PHF2: variants seen among roughly 807,000 people sequenced by gnomAD.
PHF2 encodes the protein lysine-specific demethylase PHF2.
Under a neutral mutation model 120.5 loss-of-function variants are expected in PHF2, and 27 were observed. That is an observed-to-expected ratio of 0.22 (90% confidence interval 0.17 to 0.31). PHF2 has a LOEUF of 0.31. PHF2 is among the 10% of genes least tolerant of loss of function. The pLI is 1.00. For missense variants in PHF2, 1,024 were observed against 1,434.8 expected (o/e 0.71, Z 4.63); for synonymous variants, 568 against 592.5 (o/e 0.96, Z 0.60).
At chr9:93,662,568 A>G (rs12335919) in intron 12 of PHF2, among the ~76,000 whole-genome samples, 57 of 83,202 alleles carry the variant, frequency 6.9e-4, no homozygotes, top group Admixed American at 2.0e-3. Flanking sequence ...GGATGGATGG[A>G]TGGATGAACA....
intron 17 of PHF2, among the ~76,000 whole-genome samples, chr9:93,668,532 A>G (rs1309372107): frequency 6.6e-6 from 1 of 152,084 alleles, no homozygotes; most frequent in African/African-American, 2.4e-5. Context: ...AGGCCACCCA[A>G]GATGAGGGCA....
At chr9:93,593,355 A>C (rs1212299088) in intron 1 of PHF2, among the ~76,000 whole-genome samples, 2 of 152,148 alleles carry the variant, frequency 1.3e-5, no homozygotes, top group Admixed American at 1.3e-4. Flanking sequence ...TATTTCTGTT[A>C]ATATGACCTC....
At chr9:93,649,237 TG>T (rs1564394092) in intron 5 of PHF2, 25 bp downstream of exon 5, 3 of 957,172 alleles carry the variant, frequency 3.1e-6, no homozygotes, top group Middle Eastern at 3.0e-4. Context: ...CCTGGGGGTG[TG>T]GGGGCTGGGG....
At chr9:93,581,784 G>A (rs1862934573) in intron 1 of PHF2, among the ~76,000 whole-genome samples, 2 of 152,170 alleles carry the variant, frequency 1.3e-5, no homozygotes, top group South Asian at 2.1e-4. Flanking sequence ...TTGGGTGGAC[G>A]CTGCCACCCC....
intron 1 of PHF2, among the ~76,000 whole-genome samples, chr9:93,603,394 C>CA (rs1384778816): frequency 6.6e-6 from 1 of 152,090 alleles, no homozygotes; most frequent in Non-Finnish European, 1.5e-5. Flanking sequence ...AAGCAGTGGA[C>CA]ACGGTCTATG....
intron 1 of PHF2, among the ~76,000 whole-genome samples, chr9:93,589,296 T>C (rs1167698138): frequency 2.6e-5 from 4 of 152,194 alleles, no homozygotes; most frequent in African/African-American, 9.7e-5. Flanking sequence ...CAGCAGACAC[T>C]GTGTAGGGAA....
chr9:93,634,463 G>C (rs976674036), intron 2 of PHF2, among the ~76,000 whole-genome samples: 1 of 152,126 alleles, frequency 6.6e-6, no homozygotes, highest in East Asian at 1.9e-4. Flanking sequence ...AGCATCTATC[G>C]CTTGGGTAAC....
chr9:93,653,506 G>A lies in PHF2; in HGVS notation c.789+141G>A, dbSNP rs1826404301. 4 of 795,578 alleles carry A rather than the reference G, an allele frequency of 5.0e-6. No individual in the cohort carries two copies. In the African/African-American group the frequency reaches 5.2e-5, roughly 10 times the overall value. 49.3% of individuals were successfully genotyped at this position (795,578 alleles called of 1,614,324 possible). A position where few individuals can be genotyped will look rare whatever the true frequency, so the allele number is the denominator to read the frequency against. On this transcript the variant is annotated intron_variant, in intron 6 of 21. Transcript: ENST00000359246. Reference sequence around the variant, plus strand: ...TGGACTGTCCATCCCTGGGACAGGAGGCCTCTGGAGACATCTCTGGGTGGA... The same window carrying A: ...TGGACTGTCCATCCCTGGGACAGGAAGCCTCTGGAGACATCTCTGGGTGGA...
At chr9:93,588,162 T>C (rs148028110) in intron 1 of PHF2, among the ~76,000 whole-genome samples, 389 of 152,288 alleles carry the variant, frequency 2.6e-3, no homozygotes, top group African/African-American at 9.2e-3. Flanking sequence ...TGCGGACCTG[T>C]TTATCTCAGT....
intron 1 of PHF2, among the ~76,000 whole-genome samples, chr9:93,623,494 C>T (rs1825857371): frequency 6.6e-6 from 1 of 152,178 alleles, no homozygotes; most frequent in Non-Finnish European, 1.5e-5. Context: ...CTGTTCCTGG[C>T]TTTGGGCCTT....
chr9:93,624,629 T>C (rs1272365722), intron 1 of PHF2, among the ~76,000 whole-genome samples: 1 of 150,748 alleles, frequency 6.6e-6, no homozygotes, highest in Non-Finnish European at 1.5e-5. Flanking sequence ...ATGATGATGA[T>C]AATGATGGTG....
Position 93,666,091 on chromosome 9 carries a change from C to CG in PHF2, c.2187+37dup, listed in dbSNP as rs559290484. On this transcript the variant is annotated intron_variant, in intron 16 of 21. Coordinates refer to ENST00000359246, the MANE Select transcript of PHF2 (RefSeq NM_005392.4). The stretch of plus-strand genomic sequence containing the variant: ...CTGCCTTACAGGCCCCCCTCAGTCT[C>CG]GGGGGGCATCTCTGGGCAGTCCCCA... 142 of 1,600,636 alleles carry CG rather than the reference C, an allele frequency of 8.9e-5. No homozygotes were observed. The African/African-American group carries it at 1.7e-3, about 19-fold the overall frequency.
chr9:93,670,933 T>C (rs1434412662), intron 17 of PHF2: 1 of 894,344 alleles, frequency 1.1e-6, no homozygotes, highest in Non-Finnish European at 1.3e-6. Context: ...TGGGAGTCTG[T>C]GTGGAGCCTG....
chr9:93,631,456 C>T (rs1418510010), intron 2 of PHF2, among the ~76,000 whole-genome samples: 1 of 152,240 alleles, frequency 6.6e-6, no homozygotes, highest in Non-Finnish European at 1.5e-5. Context: ...TGCCTTCTTA[C>T]TCCTGGTCCC....
Position 93,677,400 on chromosome 9 carries a change from C to T in PHF2, c.3203-188C>T, listed in dbSNP as rs1369789633. Among the ~76,000 whole-genome samples the T allele has an allele frequency of 6.6e-6, 1 of 151,924 alleles. No homozygotes were observed. The highest frequency in any genetic ancestry group is 6.6e-5 in the Admixed American group (1 of 15,260). Reference sequence around the variant, plus strand: ...GAGGACACGGCCTCTGAGGCGGAGGCTTTGCCAGTGATCCCAGACTCCTGA... The same window carrying T: ...GAGGACACGGCCTCTGAGGCGGAGGTTTTGCCAGTGATCCCAGACTCCTGA... On this transcript the variant is annotated intron_variant, in intron 21 of 21. Coordinates refer to ENST00000359246, the MANE Select transcript of PHF2 (RefSeq NM_005392.4). This position sits in a 1 kb window ranked among gnomAD's most constrained non-coding sequence, Gnocchi z 4.4.
At chr9:93,664,175 G>A (rs1826633218) in intron 14 of PHF2, among the ~76,000 whole-genome samples, 1 of 152,036 alleles carries the variant, frequency 6.6e-6, no homozygotes, top group African/African-American at 2.4e-5. Context: ...GTGGCCAGTG[G>A]GGAGGGCCTG....
At chr9:93,651,316 G>A (rs915386660) in intron 5 of PHF2, among the ~76,000 whole-genome samples, 1 of 152,152 alleles carries the variant, frequency 6.6e-6, no homozygotes, top group Non-Finnish European at 1.5e-5. Flanking sequence ...ATGGAGCTAG[G>A]GAGAGATGGT....
intron 17 of PHF2, among the ~76,000 whole-genome samples, chr9:93,668,335 C>G (rs919219765): frequency 6.6e-6 from 1 of 152,110 alleles, no homozygotes; most frequent in Non-Finnish European, 1.5e-5. Context: ...GCTGTGAGCT[C>G]CTCCTCCCTG....
At chr9:93,648,241 G>A (rs373243708) in intron 4 of PHF2, among the ~76,000 whole-genome samples, 1 of 152,210 alleles carries the variant, frequency 6.6e-6, no homozygotes, top group South Asian at 2.1e-4. Flanking sequence ...GGTTGCCAGC[G>A]TCCCAGTGGT....
Sources: gnomAD v4.1 joint callset for allele counts (sites outside exome capture counted in the v4.1 genomes callset) on GRCh38, gnomAD v4.1.1 for gene constraint, Gnocchi (gnomAD v3.1) non-coding constraint, MANE v1.5 for transcripts, NCBI Gene and HGNC (gene_info 2026-07-23, HGNC 2026-07-21) for gene names.